The following RAP1GDS1 variants were observed in gnomAD, a reference collection of about 807,000 sequenced individuals.
The protein encoded by RAP1GDS1 is Rap1 GTPase-GDP dissociation stimulator 1, also known as RAP1, GTP-GDP dissociation stimulator 1.
RAP1GDS1 carries 35 observed loss-of-function variants against 71.1 expected under a neutral mutation model. The observed-to-expected ratio is 0.49, with a 90% CI of 0.38 to 0.65. The LOEUF (loss-of-function observed/expected upper bound fraction) is 0.65, where lower values mean the gene tolerates loss of function less well. Ranked by LOEUF, RAP1GDS1 falls within the 30% of genes least tolerant of loss-of-function variation. The probability of loss-of-function intolerance (pLI) is 0.00; values close to 1 mark genes in which losing one functional copy is unlikely to be tolerated. For missense variants in RAP1GDS1, 663 were observed against 706.1 expected, an observed-to-expected ratio of 0.94 and a Z score of 0.69; for synonymous variants, 229 against 243.1, an observed-to-expected ratio of 0.94 and a Z score of 0.54.
intron 4 of RAP1GDS1, among the ~76,000 whole-genome samples, chr4:98,374,538 C>G (rs1740875421): frequency 6.6e-6 from 1 of 152,076 alleles, no homozygotes; most frequent in Admixed American, 6.6e-5. Context: ...AAATGCATCT[C>G]AACTTTTTAT....
intron 2 of RAP1GDS1, among the ~76,000 whole-genome samples, chr4:98,311,585 G>A (rs36071190): frequency 0.092 from 13,998 of 152,110 alleles, 844 homozygotes; most frequent in East Asian, 0.15. Flanking sequence ...TTATTTTCTT[G>A]TCACAGATAC....
chr4:98,410,335 T>G (rs1746855182), intron 7 of RAP1GDS1, among the ~76,000 whole-genome samples: 2 of 152,144 alleles, frequency 1.3e-5, no homozygotes, highest in South Asian at 4.1e-4. Flanking sequence ...TATGAAAATG[T>G]TCACTCTTAG....
At chr4:98,396,529 G>T (rs918138416) in intron 6 of RAP1GDS1, 6 of 152,188 alleles carry the variant, frequency 3.9e-5, no homozygotes, top group Admixed American at 3.9e-4. Context: ...TATGTTAAAA[G>T]ATAAATATGC....
chr4:98,310,102 G>T (rs1475334117), intron 2 of RAP1GDS1, among the ~76,000 whole-genome samples: 1 of 151,974 alleles, frequency 6.6e-6, no homozygotes, highest in Non-Finnish European at 1.5e-5. Context: ...ATCATAGATT[G>T]GGAGCATTTT....
chr4:98,271,665 C>T (rs1723481975), intron 1 of RAP1GDS1, among the ~76,000 whole-genome samples: 1 of 151,960 alleles, frequency 6.6e-6, no homozygotes, highest in Non-Finnish European at 1.5e-5. Context: ...TCATAAAAAT[C>T]CTGAAAATTT....
chr4:98,360,185 A>G (rs755781525), intron 4 of RAP1GDS1, among the ~76,000 whole-genome samples: 1 of 152,232 alleles, frequency 6.6e-6, no homozygotes, highest in Non-Finnish European at 1.5e-5. Context: ...ACTATGTTAT[A>G]AAAAGCTAAT....
At chr4:98,397,927 A>G (rs1366880559) in intron 6 of RAP1GDS1, among the ~76,000 whole-genome samples, 1 of 152,138 alleles carries the variant, frequency 6.6e-6, no homozygotes, top group Non-Finnish European at 1.5e-5. Flanking sequence ...ACGTAGACTT[A>G]AAGTTATTTA....
intron 13 of RAP1GDS1, among the ~76,000 whole-genome samples, chr4:98,435,338 T>G (rs1030007560): frequency 1.3e-5 from 2 of 152,214 alleles, no homozygotes; most frequent in Non-Finnish European, 1.5e-5. Context: ...AATGGTCTGT[T>G]GGTGACTGGA....
chr4:98,347,305 A>C (rs1042218567), intron 3 of RAP1GDS1, among the ~76,000 whole-genome samples: 2 of 152,224 alleles, frequency 1.3e-5, no homozygotes, highest in Non-Finnish European at 2.9e-5. Context: ...GGTTTGAGAA[A>C]GTAAAAGAAA....
chr4:98,434,457 C>T (rs913107984), intron 13 of RAP1GDS1, among the ~76,000 whole-genome samples: 4 of 152,074 alleles, frequency 2.6e-5, no homozygotes, highest in East Asian at 1.9e-4. Context: ...TCTCTACTAC[C>T]GATTCTTTCT....
intron 2 of RAP1GDS1, among the ~76,000 whole-genome samples, chr4:98,340,270 C>T (rs560857287): frequency 6.6e-6 from 1 of 152,270 alleles, no homozygotes; most frequent in South Asian, 2.1e-4. Context: ...TCAACTTAAG[C>T]CCATCGATGG....
intron 1 of RAP1GDS1, 31 bp from the exon 2 acceptor site, chr4:98,293,377 G>A (rs1727247875): frequency 7.0e-7 from 1 of 1,437,562 alleles, no homozygotes; most frequent in Non-Finnish European, 9.6e-7. Flanking sequence ...TCATAAGGTT[G>A]AGTTTCTGAT....
chr4:98,290,509 G>T (rs1726765995), intron 1 of RAP1GDS1, among the ~76,000 whole-genome samples: 1 of 151,962 alleles, frequency 6.6e-6, no homozygotes, highest in Non-Finnish European at 1.5e-5. Context: ...AAAAATTTAG[G>T]TCTTATGAAA....
At chr4:98,346,601 A>G (rs1259464453) in intron 3 of RAP1GDS1, among the ~76,000 whole-genome samples, 3 of 151,664 alleles carry the variant, frequency 2.0e-5, no homozygotes, top group Admixed American at 6.6e-5. Context: ...CTGGAGTGCA[A>G]TGGTGCGATC....
chr4:98,441,853 G>T, intron 14 of RAP1GDS1, 137 bp from the exon 15 acceptor site: 1 of 908,962 alleles, frequency 1.1e-6, no homozygotes, highest in South Asian at 2.6e-5. Flanking sequence ...ACATTGCTAG[G>T]CTACTGCTAT....
intron 2 of RAP1GDS1, among the ~76,000 whole-genome samples, chr4:98,309,862 A>G (rs1729949042): frequency 6.6e-6 from 1 of 151,306 alleles, no homozygotes; most frequent in Non-Finnish European, 1.5e-5. Flanking sequence ...TTCAGGTATA[A>G]TTTTCTAGGG....
chr4:98,363,395 G>T (rs1032898596), intron 4 of RAP1GDS1, among the ~76,000 whole-genome samples: 3 of 144,332 alleles, frequency 2.1e-5, no homozygotes, highest in African/African-American at 7.7e-5. Flanking sequence ...GAGGTGGGAG[G>T]ATCACTTGAG....
At chr4:98,294,897 AT>A (rs1727499497) in intron 2 of RAP1GDS1, among the ~76,000 whole-genome samples, 1 of 152,000 alleles carries the variant, frequency 6.6e-6, no homozygotes, top group African/African-American at 2.4e-5. Flanking sequence ...TCTCAGGTAT[AT>A]TTTTTTGAAC....
intron 2 of RAP1GDS1, among the ~76,000 whole-genome samples, chr4:98,298,659 A>G (rs1013384247): frequency 6.6e-6 from 1 of 152,206 alleles, no homozygotes; most frequent in Non-Finnish European, 1.5e-5. Context: ...CTGCTCATTG[A>G]CAATGCACCT....
Sources: allele counts gnomAD v4.1 joint callset (sites outside exome capture counted in the v4.1 genomes callset), GRCh38; gene constraint gnomAD v4.1.1; transcripts MANE v1.5; gene names NCBI Gene and HGNC (gene_info 2026-07-23, HGNC 2026-07-21).